Variants in MAGI1 observed in about 807,000 individuals in gnomAD.
MAGI1 encodes membrane-associated guanylate kinase, WW and PDZ domain-containing protein 1.
A neutral mutation model predicts 139.9 loss-of-function variants in MAGI1; 58 were observed. That is an observed-to-expected ratio of 0.41 (90% confidence interval 0.34 to 0.52). The LOEUF is 0.52. MAGI1 is among the 20% of genes least tolerant of loss of function. The pLI is 0.12. For missense variants in MAGI1, 1,874 were observed against 1,901.6 expected (o/e 0.99, Z 0.27); for synonymous variants, 812 against 737.9 (o/e 1.10, Z -1.63).
At chr3:65,358,044 A>T (rs917026004) in intron 22 of MAGI1, among the ~76,000 whole-genome samples, 2 of 152,126 alleles carry the variant, frequency 1.3e-5, no homozygotes, top group Non-Finnish European at 2.9e-5. Flanking sequence ...TTTTTTCTTT[A>T]TGACATGGGA....
chr3:65,728,735 T>C (rs537271320), intron 1 of MAGI1, among the ~76,000 whole-genome samples: 1 of 152,270 alleles, frequency 6.6e-6, no homozygotes, highest in South Asian at 2.1e-4. Flanking sequence ...TTTAAAAAAT[T>C]ATTTTGTCTA....
chr3:65,887,389 G>GAA (rs11364374), intron 1 of MAGI1, among the ~76,000 whole-genome samples: 8 of 121,306 alleles, frequency 6.6e-5, no homozygotes, highest in Non-Finnish European at 1.2e-4. Context: ...ACTGATACCA[G>GAA]AAAAAAAAAA....
intron 2 of MAGI1, among the ~76,000 whole-genome samples, chr3:65,511,009 T>C (rs1411616296): frequency 2.1e-5 from 3 of 145,572 alleles, no homozygotes; most frequent in Non-Finnish European, 4.6e-5. Context: ...TCAACATTCT[T>C]AAAGAAAAGA....
At chr3:65,698,302 A>T (rs1376811829) in intron 1 of MAGI1, among the ~76,000 whole-genome samples, 4 of 142,176 alleles carry the variant, frequency 2.8e-5, no homozygotes, top group African/African-American at 1.1e-4. Flanking sequence ...CATACTGCCC[A>T]AGGTAACTTA....
chr3:65,426,766 A>T (rs1265880859), intron 12 of MAGI1, among the ~76,000 whole-genome samples: 1 of 152,218 alleles, frequency 6.6e-6, no homozygotes, highest in Non-Finnish European at 1.5e-5. Flanking sequence ...AATAGTATCT[A>T]GTGCTAGCCT....
chr3:65,656,423 A>T (rs2085878666), intron 1 of MAGI1, among the ~76,000 whole-genome samples: 1 of 152,226 alleles, frequency 6.6e-6, no homozygotes, highest in South Asian at 2.1e-4. Context: ...AAAGAGAACC[A>T]AATTTTATAT....
chr3:65,960,600 C>T (rs147389499), intron 1 of MAGI1, among the ~76,000 whole-genome samples: 44 of 152,260 alleles, frequency 2.9e-4, no homozygotes, highest in African/African-American at 9.9e-4. Flanking sequence ...GGAAAAAGTG[C>T]GTAATCCTAA....
chr3:65,737,363 GGACA>G (rs1305611781), intron 1 of MAGI1, among the ~76,000 whole-genome samples: 3 of 152,302 alleles, frequency 2.0e-5, no homozygotes, highest in African/African-American at 7.2e-5. Flanking sequence ...GTGGATGGAT[GGACA>G]GATGGATGGA....
intron 2 of MAGI1, among the ~76,000 whole-genome samples, chr3:65,509,783 G>A (rs1008445322): frequency 2.0e-5 from 3 of 151,954 alleles, no homozygotes; most frequent in Admixed American, 6.6e-5. Context: ...TGGGAAGCTC[G>A]AACTGGGTGG....
intron 1 of MAGI1, among the ~76,000 whole-genome samples, chr3:65,854,089 C>G (rs2059294682): frequency 6.6e-6 from 1 of 150,490 alleles, no homozygotes. Context: ...GCCTGGGCAA[C>G]AGAGCGAGAC....
chr3:65,424,456 G>T (rs1045051092), intron 12 of MAGI1, among the ~76,000 whole-genome samples: 49 of 152,252 alleles, frequency 3.2e-4, no homozygotes, highest in Non-Finnish European at 6.9e-4. Context: ...AACATTTCAT[G>T]AATGTATAAT....
intron 1 of MAGI1, among the ~76,000 whole-genome samples, chr3:65,736,242 G>A (rs2034717995): frequency 6.6e-6 from 1 of 152,170 alleles, no homozygotes. Context: ...CCCAGCAAAA[G>A]TAGCAGCTTC....
chr3:65,578,658 G>A (rs1409307890), intron 2 of MAGI1, among the ~76,000 whole-genome samples: 4 of 152,278 alleles, frequency 2.6e-5, no homozygotes, highest in East Asian at 1.9e-4. Flanking sequence ...CATGGCTCAC[G>A]CCTGTAATCC....
chr3:65,499,691 T>G (rs528875210), intron 2 of MAGI1, among the ~76,000 whole-genome samples: 1 of 152,132 alleles, frequency 6.6e-6, no homozygotes, highest in African/African-American at 2.4e-5. Context: ...TGCACTGAAG[T>G]GATATAAACA....
At chr3:65,767,240 T>C (rs567777898) in intron 1 of MAGI1, among the ~76,000 whole-genome samples, 22 of 152,126 alleles carry the variant, frequency 1.4e-4, no homozygotes, top group Non-Finnish European at 1.8e-4. Flanking sequence ...CAAGTTCTAT[T>C]ATATTTCTTA....
At chr3:66,006,644 G>C (rs954872581) in intron 1 of MAGI1, among the ~76,000 whole-genome samples, 3 of 152,108 alleles carry the variant, frequency 2.0e-5, no homozygotes, top group African/African-American at 4.8e-5. Flanking sequence ...CTTTAAGGAG[G>C]TTTCTAATGA....
chr3:65,599,977 A>T (rs1408524554), intron 2 of MAGI1, among the ~76,000 whole-genome samples: 2 of 152,246 alleles, frequency 1.3e-5, no homozygotes, highest in Admixed American at 6.5e-5. Flanking sequence ...GAAACAATAA[A>T]CTTAAGGGAA....
At chr3:66,012,515 C>A (rs1477798605) in intron 1 of MAGI1, among the ~76,000 whole-genome samples, 1 of 152,038 alleles carries the variant, frequency 6.6e-6, no homozygotes, top group Admixed American at 6.6e-5. Flanking sequence ...TAAAAACAGA[C>A]AACCATTTGG....
At chr3:65,520,324 C>G (rs924565185) in intron 2 of MAGI1, among the ~76,000 whole-genome samples, 4 of 152,160 alleles carry the variant, frequency 2.6e-5, no homozygotes, top group Admixed American at 2.6e-4. Context: ...TCCTAATGCA[C>G]TTATGTGGAA....
Sources: gnomAD v4.1 joint callset for allele counts (sites outside exome capture counted in the v4.1 genomes callset) on GRCh38, gnomAD v4.1.1 for gene constraint, MANE v1.5 for transcripts, NCBI Gene and HGNC (gene_info 2026-07-23, HGNC 2026-07-21) for gene names.